LRRTM4: variants seen among roughly 807,000 people sequenced by gnomAD.
LRRTM4 encodes the protein leucine rich repeat transmembrane neuronal 4, also known as leucine-rich repeat transmembrane neuronal protein 4.
In LRRTM4, 25 loss-of-function variants were observed where a neutral mutation model predicts 47.6. That is an observed-to-expected ratio of 0.53 (90% CI 0.38 to 0.73). The LOEUF (loss-of-function observed/expected upper bound fraction) is 0.73. LRRTM4 is among the 30% of genes least tolerant of loss of function. The pLI, the probability that LRRTM4 is intolerant of heterozygous loss-of-function variation, is 0.00. For synonymous variants in LRRTM4, 311 were observed against 269.5 expected (o/e 1.15, Z -1.51); for missense variants, 638 against 713.4 (o/e 0.89, Z 1.20).
chr2:76,832,496 G>A (rs114222327), intron 3 of LRRTM4, among the ~76,000 whole-genome samples: 1,872 of 145,290 alleles, frequency 0.013, 60 homozygotes, highest in East Asian at 0.095. Flanking sequence ...TGCTTAATAG[G>A]GTAGAGATGA....
At chr2:76,778,758 C>T (rs1461977561) in intron 3 of LRRTM4, among the ~76,000 whole-genome samples, 1 of 150,572 alleles carries the variant, frequency 6.6e-6, no homozygotes, top group Non-Finnish European at 1.5e-5. Flanking sequence ...GTCTCTATTT[C>T]CTTCAGTTCT....
At chr2:76,861,162 ATTAC>A (rs1672300869) in intron 3 of LRRTM4, among the ~76,000 whole-genome samples, 1 of 152,142 alleles carries the variant, frequency 6.6e-6, no homozygotes, top group Non-Finnish European at 1.5e-5. Context: ...GACGAGCTAC[ATTAC>A]TTAGACAGTG....
intron 3 of LRRTM4, among the ~76,000 whole-genome samples, chr2:76,918,353 A>T (rs921739504): frequency 4.6e-5 from 7 of 152,194 alleles, no homozygotes; most frequent in African/African-American, 1.4e-4. Context: ...AAACAATAAT[A>T]TTAATTTACT....
At chr2:77,045,170 A>C (rs1679192444) in intron 3 of LRRTM4, among the ~76,000 whole-genome samples, 1 of 151,968 alleles carries the variant, frequency 6.6e-6, no homozygotes, top group Admixed American at 6.6e-5. Flanking sequence ...GCAGGGATTG[A>C]ACACAGAAAT....
intron 3 of LRRTM4, among the ~76,000 whole-genome samples, chr2:77,238,932 C>G (rs1273432519): frequency 2.0e-5 from 3 of 151,848 alleles, no homozygotes; most frequent in African/African-American, 7.3e-5. Flanking sequence ...CTTATATCTG[C>G]ACTGTAAGAA....
chr2:77,268,900 A>C (rs2104064164), intron 3 of LRRTM4, among the ~76,000 whole-genome samples: 1 of 152,244 alleles, frequency 6.6e-6, no homozygotes, highest in East Asian at 1.9e-4. Context: ...CCTCTCCGGG[A>C]ATACTTGTAC....
intron 3 of LRRTM4, among the ~76,000 whole-genome samples, chr2:76,848,164 A>G (rs548384977): frequency 1.4e-4 from 21 of 152,268 alleles, no homozygotes; most frequent in African/African-American, 3.6e-4. Flanking sequence ...TCTTTCCCCA[A>G]TAAATTTGCC....
At chr2:76,832,678 A>G (rs894333857) in intron 3 of LRRTM4, among the ~76,000 whole-genome samples, 14 of 152,092 alleles carry the variant, frequency 9.2e-5, no homozygotes, top group African/African-American at 2.9e-4. Flanking sequence ...TCTGATTTCC[A>G]TAACTTGTCA....
intron 3 of LRRTM4, among the ~76,000 whole-genome samples, chr2:76,854,736 T>A (rs1573215212): frequency 6.6e-6 from 1 of 151,968 alleles, no homozygotes; most frequent in Non-Finnish European, 1.5e-5. Flanking sequence ...AATACTTAAC[T>A]AAACATCTAC....
At chr2:77,438,488 G>T (rs946445993) in intron 3 of LRRTM4, among the ~76,000 whole-genome samples, 3 of 143,046 alleles carry the variant, frequency 2.1e-5, no homozygotes, top group Non-Finnish European at 4.5e-5. Context: ...CTCACTGCGC[G>T]CTCCGCCTCC....
chr2:77,009,598 T>C (rs1677793172), intron 3 of LRRTM4: 1 of 152,134 alleles, frequency 6.6e-6, no homozygotes, highest in Non-Finnish European at 1.5e-5. Context: ...CCATGTATGA[T>C]TCAAAATAAA....
intron 3 of LRRTM4, among the ~76,000 whole-genome samples, chr2:76,905,491 C>T (rs1318247218): frequency 1.3e-5 from 2 of 152,144 alleles, no homozygotes; most frequent in Non-Finnish European, 2.9e-5. Flanking sequence ...TGGAAAAAAG[C>T]TGGACGGAGA....
intron 3 of LRRTM4, among the ~76,000 whole-genome samples, chr2:76,788,726 T>C (rs1363599266): frequency 6.6e-6 from 1 of 152,176 alleles, no homozygotes; most frequent in Non-Finnish European, 1.5e-5. Context: ...ATCTATTCTA[T>C]CAATGTGATT....
At chr2:76,835,074 T>C (rs964609724) in intron 3 of LRRTM4, among the ~76,000 whole-genome samples, 2 of 152,092 alleles carry the variant, frequency 1.3e-5, no homozygotes, top group Non-Finnish European at 2.9e-5. Flanking sequence ...AAAGAATCAT[T>C]CTTTTGTTTC....
chr2:77,409,008 T>C (rs1454099491), intron 3 of LRRTM4, among the ~76,000 whole-genome samples: 1 of 152,278 alleles, frequency 6.6e-6, no homozygotes, highest in East Asian at 1.9e-4. Context: ...TTTCATCCCA[T>C]TATGCAAGTA....
intron 3 of LRRTM4, among the ~76,000 whole-genome samples, chr2:77,141,146 C>A (rs1001878020): frequency 3.3e-5 from 5 of 152,162 alleles, no homozygotes; most frequent in Non-Finnish European, 5.9e-5. Flanking sequence ...GATTATAAAT[C>A]ATGCTGCTGT....
chr2:77,075,119 T>C (rs780366576), intron 3 of LRRTM4, among the ~76,000 whole-genome samples: 2 of 152,302 alleles, frequency 1.3e-5, no homozygotes, highest in South Asian at 2.1e-4. Context: ...TCCTACATAG[T>C]AGATAATATG....
intron 3 of LRRTM4, among the ~76,000 whole-genome samples, chr2:77,065,807 C>T (rs1679931928): frequency 6.6e-6 from 1 of 152,126 alleles, no homozygotes; most frequent in African/African-American, 2.4e-5. Context: ...ACCTGCCTAT[C>T]ATTTGCCTGG....
intron 3 of LRRTM4, among the ~76,000 whole-genome samples, chr2:77,194,994 TTTTC>T (rs1420682550): frequency 2.0e-5 from 3 of 152,092 alleles, no homozygotes; most frequent in Non-Finnish European, 4.4e-5. Context: ...ATTCATGGTG[TTTTC>T]TTTAAGATGC....
Sources: allele counts gnomAD v4.1 joint callset (sites outside exome capture counted in the v4.1 genomes callset), GRCh38; gene constraint gnomAD v4.1.1; transcripts MANE v1.5; gene names NCBI Gene and HGNC (gene_info 2026-07-23, HGNC 2026-07-21).